Variants in XPR1 observed in about 807,000 individuals in gnomAD.
XPR1 encodes the protein solute carrier family 53 member 1.
A neutral mutation model predicts 87.5 loss-of-function variants in XPR1; 28 were observed. The ratio of observed to expected loss-of-function variants is 0.32; its 90% confidence interval spans 0.24 to 0.44. The LOEUF (loss-of-function observed/expected upper bound fraction) is 0.44, where lower values mean the gene tolerates loss of function less well. XPR1 is among the 20% of genes least tolerant of loss of function. The pLI, the probability that XPR1 is intolerant of heterozygous loss-of-function variation, is 1.00. For synonymous variants in XPR1, 300 were observed against 306.1 expected (o/e 0.98, Z 0.21); for missense variants, 559 against 862.3 (o/e 0.65, Z 4.41).
At chr1:180,757,866 A>G (rs1197311867) in intron 2 of XPR1, among the ~76,000 whole-genome samples, 3 of 128,600 alleles carry the variant, frequency 2.3e-5, no homozygotes, top group African/African-American at 9.0e-5. Context: ...ATTGTTGAAA[A>G]TGTAAAAAAA....
intron 3 of XPR1, among the ~76,000 whole-genome samples, chr1:180,799,732 T>G (rs12079923): frequency 0.043 from 6,542 of 152,072 alleles, 503 homozygotes; most frequent in African/African-American, 0.15. Context: ...GTCCCAGGGG[T>G]GACTCTGGGG....
chr1:180,793,211 T>A (rs183789763), intron 3 of XPR1, among the ~76,000 whole-genome samples: 1 of 152,280 alleles, frequency 6.6e-6, no homozygotes, highest in East Asian at 1.9e-4. Context: ...CAAGACCGAT[T>A]AGATAATAGT....
chr1:180,760,461 A>T (rs1647973658), intron 2 of XPR1, among the ~76,000 whole-genome samples: 2 of 152,328 alleles, frequency 1.3e-5, no homozygotes, highest in East Asian at 3.9e-4. Context: ...GCATTGTTAT[A>T]CACCAATAAC....
chr1:180,717,961 T>A (rs1402893147), intron 2 of XPR1, among the ~76,000 whole-genome samples: 2 of 152,186 alleles, frequency 1.3e-5, no homozygotes, highest in South Asian at 4.1e-4. Flanking sequence ...TGAATAGATA[T>A]GAAGTTTAAA....
intron 1 of XPR1, among the ~76,000 whole-genome samples, chr1:180,656,932 A>G (rs1571687781): frequency 6.6e-6 from 1 of 151,668 alleles, no homozygotes; most frequent in Non-Finnish European, 1.5e-5. Flanking sequence ...TCCATAGTGG[A>G]TGTACTAATT....
chr1:180,772,162 C>T (rs545242839), intron 2 of XPR1, among the ~76,000 whole-genome samples: 1 of 152,126 alleles, frequency 6.6e-6, no homozygotes, highest in Admixed American at 6.5e-5. Context: ...GGATTATAAT[C>T]TAGTACTGTT....
chr1:180,759,186 C>G (rs1647886928), intron 2 of XPR1, among the ~76,000 whole-genome samples: 1 of 152,062 alleles, frequency 6.6e-6, no homozygotes, highest in South Asian at 2.1e-4. Flanking sequence ...AATTGACACC[C>G]TAACATCACA....
intron 11 of XPR1, among the ~76,000 whole-genome samples, chr1:180,855,175 A>C (rs1322167989): frequency 6.6e-6 from 1 of 152,194 alleles, no homozygotes; most frequent in Non-Finnish European, 1.5e-5. Flanking sequence ...TCTTTTCACA[A>C]TGCTAGATAG....
At chr1:180,745,329 AG>A (rs1177255263) in intron 2 of XPR1, among the ~76,000 whole-genome samples, 1 of 152,004 alleles carries the variant, frequency 6.6e-6, no homozygotes, top group African/African-American at 2.4e-5. Context: ...GGAGGGAGGG[AG>A]GGGAAGAGAG....
chr1:180,707,443 G>T (rs1657597015), intron 2 of XPR1, among the ~76,000 whole-genome samples: 1 of 152,168 alleles, frequency 6.6e-6, no homozygotes. Flanking sequence ...ATAGAATGAA[G>T]TGCAGTGGTT....
chr1:180,738,764 T>C (rs937154480), intron 2 of XPR1, among the ~76,000 whole-genome samples: 1 of 152,198 alleles, frequency 6.6e-6, no homozygotes, highest in African/African-American at 2.4e-5. Context: ...TGAGAGTGCT[T>C]ATATATTCTA....
intron 2 of XPR1, among the ~76,000 whole-genome samples, chr1:180,691,382 T>C (rs1656988615): frequency 6.6e-6 from 1 of 152,200 alleles, no homozygotes; most frequent in Non-Finnish European, 1.5e-5. Flanking sequence ...AAAATAGACC[T>C]ATTGCTTGAT....
chr1:180,656,564 ATATAT>A (rs1557941724), intron 1 of XPR1, among the ~76,000 whole-genome samples: 10 of 51,932 alleles, frequency 1.9e-4, no homozygotes, highest in East Asian at 6.2e-4. Context: ...TATGTATAAT[ATATAT>A]TTTATATATG....
chr1:180,747,888 G>A (rs1288436705), intron 2 of XPR1, among the ~76,000 whole-genome samples: 1 of 152,202 alleles, frequency 6.6e-6, no homozygotes, highest in African/African-American at 2.4e-5. Flanking sequence ...CATTATGTCT[G>A]TGAAACAAAC....
At chr1:180,747,737 G>T (rs1647319804) in intron 2 of XPR1, among the ~76,000 whole-genome samples, 1 of 152,174 alleles carries the variant, frequency 6.6e-6, no homozygotes, top group Non-Finnish European at 1.5e-5. Flanking sequence ...CAGAACATAT[G>T]TACAAAGAAA....
At chr1:180,781,149 C>T (rs1239325163) in intron 2 of XPR1, among the ~76,000 whole-genome samples, 4 of 151,630 alleles carry the variant, frequency 2.6e-5, no homozygotes, top group Non-Finnish European at 4.4e-5. Context: ...ATGTGACTAT[C>T]CAATTGTTGG....
chr1:180,768,414 A>C (rs78462676), intron 2 of XPR1, among the ~76,000 whole-genome samples: 1 of 152,238 alleles, frequency 6.6e-6, no homozygotes, highest in East Asian at 1.9e-4. Context: ...ATTTATTTCT[A>C]TTATAATCTT....
At chr1:180,696,208 GTATATATA>G (rs71121045) in intron 2 of XPR1, among the ~76,000 whole-genome samples, 2,541 of 88,462 alleles carry the variant, frequency 0.029, 48 homozygotes, top group Non-Finnish European at 0.041. Flanking sequence ...GTGTGTGTGT[GTATATATA>G]TATATATATA....
intron 1 of XPR1, among the ~76,000 whole-genome samples, chr1:180,645,975 G>A (rs1655106570): frequency 6.6e-6 from 1 of 152,190 alleles, no homozygotes; most frequent in Non-Finnish European, 1.5e-5. Flanking sequence ...TTCTGCAGCT[G>A]TGGTGTTGGT....
Sources: gnomAD v4.1 joint callset for allele counts (sites outside exome capture counted in the v4.1 genomes callset) on GRCh38, gnomAD v4.1.1 for gene constraint, MANE v1.5 for transcripts, NCBI Gene and HGNC (gene_info 2026-07-23, HGNC 2026-07-21) for gene names.